RHOBTB1: variants seen among roughly 807,000 people sequenced by gnomAD.
RHOBTB1 encodes the protein Rho related BTB domain containing 1, also known as rho-related BTB domain-containing protein 1.
A neutral mutation model predicts 71.6 loss-of-function variants in RHOBTB1; 40 were observed. The ratio of observed to expected loss-of-function variants is 0.56; its 90% CI spans 0.43 to 0.73. The LOEUF (loss-of-function observed/expected upper bound fraction) is 0.73. Ranked by LOEUF, RHOBTB1 falls within the 30% of genes least tolerant of loss-of-function variation. The pLI is 0.00. For missense variants in RHOBTB1, 797 were observed against 894.0 expected, an observed-to-expected ratio of 0.89 and a Z score of 1.38; for synonymous variants, 319 against 334.9, an observed-to-expected ratio of 0.95 and a Z score of 0.52.
intron 1 of RHOBTB1, among the ~76,000 whole-genome samples, chr10:60,993,888 T>C (rs2086954116): frequency 6.6e-6 from 1 of 152,084 alleles, no homozygotes; most frequent in South Asian, 2.1e-4. Context: ...AATTTTTTGG[T>C]GACATTTAGC....
chr10:61,001,183 G>C (rs576557260), intron 1 of RHOBTB1, among the ~76,000 whole-genome samples: 1 of 152,268 alleles, frequency 6.6e-6, no homozygotes, highest in African/African-American at 2.4e-5. Context: ...TGCTTTGTCA[G>C]AGCAGCTGGG....
downstream of RHOBTB1, among the ~76,000 whole-genome samples, chr10:60,865,768 C>T (rs562804646): frequency 2.0e-5 from 3 of 152,174 alleles, no homozygotes; most frequent in Admixed American, 2.0e-4. Flanking sequence ...TCAGTGTTCC[C>T]TTCCCACACA....
intron 1 of RHOBTB1, among the ~76,000 whole-genome samples, chr10:60,986,706 C>T (rs536940959): frequency 4.5e-4 from 69 of 152,006 alleles, no homozygotes; most frequent in Middle Eastern, 3.4e-3. Flanking sequence ...GTACGACTGA[C>T]TACCTAATAT....
At chr10:60,990,369 T>C (rs894837538) in intron 1 of RHOBTB1, among the ~76,000 whole-genome samples, 3 of 152,142 alleles carry the variant, frequency 2.0e-5, no homozygotes, top group African/African-American at 4.8e-5. Context: ...TTTCTCTCTA[T>C]CTTGTCTACT....
At chr10:60,862,463 G>C in the RHOBTB1 span, among the ~76,000 whole-genome samples, 1 of 150,292 alleles carries the variant, frequency 6.7e-6, no homozygotes, top group Non-Finnish European at 1.5e-5. Context: ...CTCCCAAAGT[G>C]CTGGGATAAC....
chr10:60,911,342 G>T lies in RHOBTB1; in HGVS notation c.192+9C>A. The T allele has an allele frequency of 6.2e-7, 1 of 1,602,260 alleles. No individual in the cohort carries two copies. Among genetic ancestry groups the T allele is most frequent in the Non-Finnish European group, 8.5e-7 (1 of 1,170,294 alleles). ...CCTAGGGATGCTGAAGACACTCTGT[G>T]CATCTTACCTCCTGGCACACGCGGT... On this transcript the variant is annotated intron_variant, in intron 3 of 10. Coordinates refer to ENST00000337910, the MANE Select transcript of RHOBTB1 (RefSeq NM_014836.5).
At chr10:60,973,785 G>C (rs2134707194) in intron 2 of RHOBTB1, among the ~76,000 whole-genome samples, 1 of 152,050 alleles carries the variant, frequency 6.6e-6, no homozygotes, top group African/African-American at 2.4e-5. Context: ...GGCCATTTGG[G>C]GGCTGACTTG....
intron 2 of RHOBTB1, among the ~76,000 whole-genome samples, chr10:60,954,060 A>ATG (rs1389618565): frequency 2.0e-5 from 3 of 151,990 alleles, no homozygotes; most frequent in Non-Finnish European, 2.9e-5. Flanking sequence ...TTAAAAGTGT[A>ATG]TGTGTGTGTG....
At chr10:60,956,329 G>C (rs546681311) in intron 2 of RHOBTB1, among the ~76,000 whole-genome samples, 5 of 152,298 alleles carry the variant, frequency 3.3e-5, no homozygotes, top group African/African-American at 1.2e-4. Context: ...ACTGGAAGTT[G>C]TTCTGGGTGA....
chr10:60,990,204 C>T (rs368213517), intron 1 of RHOBTB1, among the ~76,000 whole-genome samples: 1 of 151,940 alleles, frequency 6.6e-6, no homozygotes, highest in East Asian at 1.9e-4. Context: ...AGGATGGTCT[C>T]GATCTCCTGA....
At chr10:60,927,036 A>G (rs953035090) in intron 2 of RHOBTB1, among the ~76,000 whole-genome samples, 2 of 152,244 alleles carry the variant, frequency 1.3e-5, no homozygotes, top group African/African-American at 2.4e-5. Context: ...AGGATATGAA[A>G]TCAGTATACT....
At chr10:60,938,603 A>C (rs930581345) in intron 2 of RHOBTB1, among the ~76,000 whole-genome samples, 7 of 152,186 alleles carry the variant, frequency 4.6e-5, no homozygotes, top group African/African-American at 7.2e-5. Flanking sequence ...CCAGGCAAAA[A>C]TGTTGTGTAG....
chr10:60,965,348 T>C (rs2085921029), intron 2 of RHOBTB1, among the ~76,000 whole-genome samples: 1 of 152,142 alleles, frequency 6.6e-6, no homozygotes, highest in Non-Finnish European at 1.5e-5. Flanking sequence ...TTTTAAAGTC[T>C]CATAATAGTC....
At chr10:60,955,808 A>G (rs2085571618) in intron 2 of RHOBTB1, among the ~76,000 whole-genome samples, 1 of 152,216 alleles carries the variant, frequency 6.6e-6, no homozygotes, top group African/African-American at 2.4e-5. Context: ...TTGAAAAACC[A>G]ACATATCACT....
chr10:60,902,811 A>G (rs1460654172), intron 4 of RHOBTB1, among the ~76,000 whole-genome samples: 1 of 152,222 alleles, frequency 6.6e-6, no homozygotes, highest in Admixed American at 6.5e-5. Context: ...GGCATTTGTT[A>G]TAAGACTATT....
chr10:60,967,166 TA>T (rs1190366613), intron 2 of RHOBTB1, among the ~76,000 whole-genome samples: 1 of 150,512 alleles, frequency 6.6e-6, no homozygotes, highest in Admixed American at 6.6e-5. Flanking sequence ...AAAATCCAGG[TA>T]AAGAGTAGTA....
downstream of RHOBTB1, among the ~76,000 whole-genome samples, chr10:60,867,126 T>C (rs950743743): frequency 1.3e-5 from 2 of 152,228 alleles, no homozygotes; most frequent in African/African-American, 4.8e-5. Context: ...CAGTGATATC[T>C]GTTCCCATTT....
rs750622412 is a variant in RHOBTB1, at chr10:60,893,039, G to GT, written c.297-45dup. Reference sequence around the variant, plus strand: ...AGAAGCTTGTATTGCCTTTTAACAGGTTTTTTCTTTTACCATTATGGTTCC... The same window carrying GT: ...AGAAGCTTGTATTGCCTTTTAACAGGTTTTTTTCTTTTACCATTATGGTTCC... On this transcript the variant is annotated intron_variant, in intron 4 of 10. Transcript: ENST00000337910. 20 of 1,483,692 alleles carry GT rather than the reference G, an allele frequency of 1.3e-5. No individual in the cohort carries two copies. The African/African-American group carries it at 2.1e-4, about 16-fold the overall frequency. 91.9% of individuals were successfully genotyped at this position (1,483,692 alleles called of 1,614,324 possible).
At chr10:60,923,797 G>A (rs2083702283) in intron 2 of RHOBTB1, among the ~76,000 whole-genome samples, 1 of 152,126 alleles carries the variant, frequency 6.6e-6, no homozygotes, top group South Asian at 2.1e-4. Flanking sequence ...TTTGTAAAGA[G>A]TTTCTGCTTT....
Sources: allele counts gnomAD v4.1 joint callset (sites outside exome capture counted in the v4.1 genomes callset), GRCh38; gene constraint gnomAD v4.1.1; transcripts MANE v1.5; gene names NCBI Gene and HGNC (gene_info 2026-07-23, HGNC 2026-07-21).